Variants in CREBBP observed in about 807,000 individuals in gnomAD.
CREBBP encodes CREB-binding protein.
In CREBBP, 19 loss-of-function variants were observed where a neutral mutation model predicts 265.0. The observed-to-expected ratio is 0.07, with a 90% CI of 0.05 to 0.11. The LOEUF (loss-of-function observed/expected upper bound fraction) is 0.11, where lower values mean the gene tolerates loss of function less well. Among genes scored for constraint, CREBBP ranks in the 10% least tolerant of loss-of-function variants. CREBBP has a pLI of 1.00. For synonymous variants in CREBBP, 1,457 were observed against 1,223.7 expected, an observed-to-expected ratio of 1.19 and a Z score of -3.98; for missense variants, 2,525 against 3,219.0, an observed-to-expected ratio of 0.78 and a Z score of 5.22.
At chr16:3,837,394 C>T (rs1279783536) in intron 2 of CREBBP, among the ~76,000 whole-genome samples, 1 of 152,104 alleles carries the variant, frequency 6.6e-6, no homozygotes, top group Non-Finnish European at 1.5e-5. Context: ...GGCGGGCAGA[C>T]TGCCTGAGCT....
At position 3,779,078 on chromosome 16, in the gene CREBBP, A is replaced by G. The variant is rs2053213575; in HGVS notation, c.1824-261T>C. Among the ~76,000 whole-genome samples the G allele has an allele frequency of 3.3e-5, 5 of 151,870 alleles. No individual in the cohort carries two copies. In the South Asian group the frequency reaches 1.0e-3, roughly 32 times the overall value. ...GCTACTCGGGAGGCTGAGGCAAGAG[A>G]ATTGCTTGAACCCGGGAGGCAGAGG... On this transcript the variant is annotated intron_variant, in intron 8 of 30. Coordinates refer to ENST00000262367, the MANE Select transcript of CREBBP (RefSeq NM_004380.3).
chr16:3,792,716 G>A (rs975093908), intron 4 of CREBBP, among the ~76,000 whole-genome samples: 2 of 152,226 alleles, frequency 1.3e-5, no homozygotes, highest in South Asian at 2.1e-4. Flanking sequence ...CTAAGTTTAT[G>A]AGCATAAGCA....
chr16:3,810,739 A>C lies in CREBBP; in HGVS notation c.839T>G (p.Phe280Cys). 1 of 1,613,932 alleles carries C rather than the reference A, an allele frequency of 6.2e-7. No individual in the cohort carries two copies. The highest frequency in any genetic ancestry group is 8.5e-7 in the Non-Finnish European group (1 of 1,180,014). ...TGNTSPFGQPFSQAGGQPMGA... is the reference protein window; with the variant it reads ...TGNTSPFGQPCSQAGGQPMGA... ...CATTGGCTGCCCTCCAGCTTGACTA[A>C]AGGGCTGTCCAAATGGACTTGTGTT... The change falls in exon 3 of 31, where the codon TTT (phenylalanine) becomes TGT (cysteine). Residue 280 changes from phenylalanine to cysteine, a missense_variant. Physicochemically the swap from Phe to Cys is radical, Grantham distance 205. Transcript: ENST00000262367.
chr16:3,753,914 C>T (rs1280282924), intron 19 of CREBBP, among the ~76,000 whole-genome samples: 4 of 152,150 alleles, frequency 2.6e-5, no homozygotes, highest in Non-Finnish European at 4.4e-5. Context: ...TTTTAAAATC[C>T]TGGAGAAATC....
intron 16 of CREBBP, among the ~76,000 whole-genome samples, chr16:3,760,330 G>A (rs550237040): frequency 1.3e-5 from 2 of 148,598 alleles, no homozygotes; most frequent in Non-Finnish European, 3.0e-5. Flanking sequence ...GAGCTCAAGC[G>A]CTCCCCCTGC....
intron 2 of CREBBP, among the ~76,000 whole-genome samples, chr16:3,826,435 C>T (rs939669511): frequency 1.3e-5 from 2 of 152,060 alleles, no homozygotes; most frequent in African/African-American, 2.4e-5. Context: ...AGGAGGGAAG[C>T]GGAGCATTAC....
At chr16:3,783,341 C>T (rs573212011) in intron 5 of CREBBP, among the ~76,000 whole-genome samples, 4 of 152,310 alleles carry the variant, frequency 2.6e-5, no homozygotes, top group South Asian at 2.1e-4. Context: ...CTCCTGTTGA[C>T]CCCAACCCTG....
intron 3 of CREBBP, among the ~76,000 whole-genome samples, chr16:3,797,349 C>T (rs983969884): frequency 3.3e-5 from 5 of 152,166 alleles, no homozygotes; most frequent in Admixed American, 2.0e-4. Context: ...AGTCCAGAAA[C>T]AGACATAGGT....
chr16:3,774,706 C>A lies in CREBBP; in HGVS notation c.2159-13G>T, dbSNP rs2141220228. On this transcript the variant is annotated splice_polypyrimidine_tract_variant and intron_variant, in intron 11 of 30. Transcript: ENST00000262367. The stretch of plus-strand genomic sequence containing the variant: ...AATGAATTCATCCCTGTAAATGTAC[C>A]CACAACGGTTCATTAGGAAAAGCAC... 1.2e-6 allele frequency: 2 copies of A among 1,614,044 alleles called. No homozygotes were observed. The highest frequency in any genetic ancestry group is 2.2e-5 in the East Asian group (1 of 44,884).
chr16:3,875,583 C>T (rs1225711148), intron 1 of CREBBP, among the ~76,000 whole-genome samples: 1 of 152,224 alleles, frequency 6.6e-6, no homozygotes. Context: ...TGATCTCATT[C>T]ATGTGCGGGA....
At position 3,773,690 on chromosome 16, in the gene CREBBP, C is replaced by A. The variant is rs182212824; in HGVS notation, c.2463+61G>T. 3.6e-4 allele frequency: 568 copies of A among 1,559,714 alleles called. 4 individuals are homozygous for A. In the East Asian group the frequency reaches 8.6e-3, roughly 24 times the overall value. On this transcript the variant is annotated intron_variant, in intron 13 of 30. Transcript: ENST00000262367. ...CACGAAGGAAGACAGAAAAAAAAAA[C>A]CAAAACTTAACACAAGAATTTTATT...
rs2052182314 is a variant in CREBBP, at chr16:3,740,695, T to C, written c.3983-146A>G. 3.1e-6 allele frequency: 3 copies of C among 961,210 alleles called. No homozygotes were observed. In the Admixed American group the frequency reaches 6.0e-5, roughly 19 times the overall value. The allele number at this position is 961,210 out of a possible 1,614,324, so 59.5% of individuals were successfully genotyped here. ...CCAAACACGGAAGAAATCTAATCTG[T>C]CCTGTGACACGAGTGTTATATAAAG... On this transcript the variant is annotated intron_variant, in intron 23 of 30. Transcript: ENST00000262367.
intron 3 of CREBBP, among the ~76,000 whole-genome samples, chr16:3,798,699 C>T (rs747771512): frequency 1.3e-5 from 2 of 152,160 alleles, no homozygotes; most frequent in African/African-American, 4.8e-5. Flanking sequence ...GTGGCCAGGA[C>T]GTGGAGAACC....
In CREBBP at chr16:3,807,400, C is replaced by T. The variant is rs144324379; in HGVS notation, c.975+3203G>A. ...ACCCCCTAAAGCATGACAATAAATG[C>T]AAATATGTTTGACACCTCATTTTTT... On this transcript the variant is annotated intron_variant, in intron 3 of 30. Coordinates refer to ENST00000262367, the MANE Select transcript of CREBBP (RefSeq NM_004380.3). Among the ~76,000 whole-genome samples, 36 of 152,296 alleles carry T rather than the reference C, an allele frequency of 2.4e-4. 3 individuals are homozygous for T. Among genetic ancestry groups the T allele is most frequent in the East Asian group, 1.9e-3 (10 of 5,190 alleles).
chr16:3,785,627 A>G (rs1287748826), intron 5 of CREBBP, among the ~76,000 whole-genome samples: 1 of 152,234 alleles, frequency 6.6e-6, no homozygotes, highest in Non-Finnish European at 1.5e-5. Flanking sequence ...AGCGCAGCCC[A>G]TGGAGTGTCT....
chr16:3,734,482 C>T (rs1033768576), intron 28 of CREBBP, among the ~76,000 whole-genome samples: 1 of 152,218 alleles, frequency 6.6e-6, no homozygotes, highest in African/African-American at 2.4e-5. Context: ...TGCCATGCCA[C>T]AGGCAGGTGC....
Position 3,850,542 on chromosome 16 carries a change from G to A in CREBBP, c.553C>T (p.His185Tyr), listed in dbSNP as rs2141492133. ...GAGTTACTATTGAGGAGGCCTGGGT[G>A]GGTCTGGTTAAAGTTAGCATTCATG... is the stretch of plus-strand genomic sequence containing the variant. Reference protein sequence around the residue: ...ICMNANFNQTHPGLLNSNSGH... With the variant: ...ICMNANFNQTYPGLLNSNSGH... The change falls in exon 2 of 31, where the codon CAC becomes TAC. Residue 185 changes from histidine (H) to tyrosine (Y), a missense_variant. Physicochemically the swap from His to Tyr is moderately conservative, Grantham distance 83. This residue lies in a region of CREBBP where 356 missense variants were observed against 340.4 expected (regional missense o/e 1.05). Coordinates refer to ENST00000262367, the MANE Select transcript of CREBBP (RefSeq NM_004380.3). 1.2e-6 allele frequency: 2 copies of A among 1,614,252 alleles called. No individual in the cohort carries two copies. The highest frequency in any genetic ancestry group is 1.7e-6 in the Non-Finnish European group (2 of 1,180,052).
chr16:3,860,047 C>T (rs2055041643), intron 1 of CREBBP, among the ~76,000 whole-genome samples: 1 of 152,030 alleles, frequency 6.6e-6, no homozygotes, highest in African/African-American at 2.4e-5. Flanking sequence ...AGGACTGAGC[C>T]CTCAACCGTG....
intron 1 of CREBBP, among the ~76,000 whole-genome samples, chr16:3,871,195 TCACTCACACACACA>T (rs778938535): frequency 0.23 from 18,441 of 79,054 alleles, 1,393 homozygotes; most frequent in Non-Finnish European, 0.32. Context: ...TCTCTCTCTC[TCACTCACACACACA>T]CACACACACA....
Sources: gnomAD v4.1 joint callset for allele counts (sites outside exome capture counted in the v4.1 genomes callset) on GRCh38, gnomAD v4.1.1 for gene constraint, gnomAD v4.1.1 regional missense constraint, MANE v1.5 for transcripts, NCBI Gene and HGNC (gene_info 2026-07-23, HGNC 2026-07-21) for gene names.